Variants in MMS22L observed in about 807,000 individuals in gnomAD.
MMS22L encodes MMS22 like, DNA repair protein.
Under a neutral mutation model 159.1 loss-of-function variants are expected in MMS22L, and 74 were observed. The observed-to-expected ratio is 0.47, with a 90% confidence interval of 0.39 to 0.56. MMS22L has a LOEUF of 0.56. MMS22L is among the 20% of genes least tolerant of loss of function. The pLI, the probability that MMS22L is intolerant of heterozygous loss-of-function variation, is 0.00. For missense variants in MMS22L, 1,351 were observed against 1,422.1 expected, an observed-to-expected ratio of 0.95 and a Z score of 0.80; for synonymous variants, 517 against 506.9, an observed-to-expected ratio of 1.02 and a Z score of -0.27.
intron 14 of MMS22L, among the ~76,000 whole-genome samples, chr6:97,202,051 T>C (rs1307681680): frequency 2.6e-5 from 4 of 152,172 alleles, no homozygotes; most frequent in Non-Finnish European, 2.9e-5. Context: ...TAGGAGAAAG[T>C]AAACCAAGAG....
At chr6:97,206,589 A>G (rs959889770) in intron 14 of MMS22L, among the ~76,000 whole-genome samples, 4 of 152,192 alleles carry the variant, frequency 2.6e-5, no homozygotes, top group Non-Finnish European at 4.4e-5. Context: ...TGTATCTATC[A>G]TAATTCTTGT....
intron 22 of MMS22L, among the ~76,000 whole-genome samples, chr6:97,160,742 A>G (rs1802357886): frequency 6.6e-6 from 1 of 151,868 alleles, no homozygotes; most frequent in South Asian, 2.1e-4. Flanking sequence ...TATATGGTGC[A>G]CTTAATGGTG....
chr6:97,270,791 T>C (rs1345354480), intron 6 of MMS22L: 2 of 152,166 alleles, frequency 1.3e-5, no homozygotes, highest in South Asian at 2.1e-4. Context: ...CTGAAATCGA[T>C]GGGAAAAGTA....
At chr6:97,225,606 T>C (rs1810152672) in intron 14 of MMS22L, among the ~76,000 whole-genome samples, 1 of 151,248 alleles carries the variant, frequency 6.6e-6, no homozygotes, top group South Asian at 2.1e-4. Context: ...CCAGTCTCGC[T>C]CTGTCACACA....
intron 22 of MMS22L, among the ~76,000 whole-genome samples, chr6:97,159,004 A>G (rs1254864659): frequency 6.6e-6 from 1 of 152,122 alleles, no homozygotes; most frequent in Non-Finnish European, 1.5e-5. Context: ...TATTGGGTGC[A>G]TATACATTTA....
At chr6:97,245,213 T>C (rs1410761169) in intron 11 of MMS22L, among the ~76,000 whole-genome samples, 1 of 152,116 alleles carries the variant, frequency 6.6e-6, no homozygotes, top group Non-Finnish European at 1.5e-5. Flanking sequence ...CATAAATTCA[T>C]ACACTGTTAG....
Position 97,281,248 on chromosome 6 carries a change from A to G in MMS22L, c.279T>C (p.Phe93=). 6.2e-7 allele frequency: 1 copy of G among 1,605,584 alleles called. No individual in the cohort carries two copies. The highest frequency in any genetic ancestry group is 2.2e-5 in the East Asian group (1 of 44,658). ...TAACGAAGAAATACCTGAATAAATG[A>G]AAGAGTTCTCTAGATGAATTCACTA... is the stretch of plus-strand genomic sequence containing the variant. ...TALVNSSREL[F]HLFRQQLYNL... The change falls in exon 3 of 25, where the codon TTT becomes TTC. Residue 93 remains phenylalanine, a synonymous_variant. Coordinates refer to ENST00000683635, the MANE Select transcript of MMS22L (RefSeq NM_001350599.2).
chr6:97,235,271 G>A (rs1260149813), intron 11 of MMS22L, among the ~76,000 whole-genome samples: 1 of 152,138 alleles, frequency 6.6e-6, no homozygotes, highest in Non-Finnish European at 1.5e-5. Context: ...TAAGGAAATA[G>A]GTCAATGGTG....
At position 97,233,852 on chromosome 6, in the gene MMS22L, T is replaced by C; in HGVS notation, c.1302+9A>G. The C allele has an allele frequency of 6.3e-7, 1 of 1,591,628 alleles. No individual in the cohort carries two copies. The highest frequency in any genetic ancestry group is 8.5e-7 in the Non-Finnish European group (1 of 1,171,736). ...ATTCCTGGAGCAAATTCCTATTCTATTCACTCACCAGGTTCTTACTATAAT... is the reference window on the plus strand; with the variant it reads ...ATTCCTGGAGCAAATTCCTATTCTACTCACTCACCAGGTTCTTACTATAAT... On this transcript the variant is annotated intron_variant, in intron 12 of 24. Coordinates refer to ENST00000683635, the MANE Select transcript of MMS22L (RefSeq NM_001350599.2).
At chr6:97,184,897 C>A (rs180969140) in intron 15 of MMS22L, among the ~76,000 whole-genome samples, 13 of 152,266 alleles carry the variant, frequency 8.5e-5, no homozygotes, top group African/African-American at 2.6e-4. Context: ...GTCTTTATAA[C>A]CACTTACAAG....
At chr6:97,261,064 A>G (rs1468651684) in intron 9 of MMS22L, 1 of 152,180 alleles carries the variant, frequency 6.6e-6, no homozygotes, top group Non-Finnish European at 1.5e-5. Context: ...TCTCCGATCT[A>G]CAAGAAAACT....
intron 14 of MMS22L, among the ~76,000 whole-genome samples, chr6:97,228,192 A>AAG (rs1810455471): frequency 6.6e-6 from 1 of 152,212 alleles, no homozygotes; most frequent in Non-Finnish European, 1.5e-5. Context: ...TGCTCAGAAT[A>AAG]TCTGTAACGT....
chr6:97,239,478 A>G (rs1811820142), intron 11 of MMS22L, among the ~76,000 whole-genome samples: 1 of 152,186 alleles, frequency 6.6e-6, no homozygotes, highest in African/African-American at 2.4e-5. Context: ...ATTAAATAGG[A>G]TTACCTCTAA....
chr6:97,170,885 C>T (rs980247918), intron 19 of MMS22L, among the ~76,000 whole-genome samples: 25 of 152,038 alleles, frequency 1.6e-4, no homozygotes, highest in African/African-American at 5.1e-4. Flanking sequence ...TGCACATCTG[C>T]AGTCCCAGCT....
chr6:97,275,970 C>T (rs772939039), intron 4 of MMS22L, among the ~76,000 whole-genome samples: 3 of 152,142 alleles, frequency 2.0e-5, no homozygotes, highest in African/African-American at 7.2e-5. Context: ...CACCACTGCA[C>T]TCCAGCCTGG....
intron 14 of MMS22L, among the ~76,000 whole-genome samples, chr6:97,217,871 T>G (rs1337709606): frequency 6.6e-6 from 1 of 152,184 alleles, no homozygotes; most frequent in African/African-American, 2.4e-5. Context: ...TTAAATTGTT[T>G]TATTGATTAT....
At position 97,142,205 on chromosome 6, in the gene MMS22L, T is replaced by C. The variant is rs550022378; in HGVS notation, c.*4601A>G. On this transcript the variant is annotated 3_prime_UTR_variant, in exon 25 of 25. Coordinates refer to ENST00000683635, the MANE Select transcript of MMS22L (RefSeq NM_001350599.2). ...TATTATTATATATAATTTTATCATA[T>C]GCACAAATAACTCATAAATATGTAT... 9 of 151,806 alleles carry C rather than the reference T, an allele frequency of 5.9e-5. No homozygotes were observed. Among genetic ancestry groups the C allele is most frequent in the Non-Finnish European group, 1.3e-4 (9 of 67,808 alleles). The allele number at this position is 151,806 out of a possible 1,614,324, so 9.4% of individuals were successfully genotyped here. A position where few individuals can be genotyped will look rare whatever the true frequency, so the allele number is the denominator to read the frequency against.
At chr6:97,268,636 C>G (rs972176563) in intron 7 of MMS22L, among the ~76,000 whole-genome samples, 1 of 151,836 alleles carries the variant, frequency 6.6e-6, no homozygotes. Context: ...CCAACAAAGC[C>G]TTTAAAACAT....
intron 14 of MMS22L, among the ~76,000 whole-genome samples, chr6:97,215,111 T>C (rs1306805081): frequency 4.0e-5 from 4 of 100,972 alleles, no homozygotes; most frequent in African/African-American, 1.4e-4. Flanking sequence ...TATATATATA[T>C]ATATTTTTTT....
Sources: allele counts gnomAD v4.1 joint callset (sites outside exome capture counted in the v4.1 genomes callset), GRCh38; gene constraint gnomAD v4.1.1; transcripts MANE v1.5; gene names NCBI Gene and HGNC (gene_info 2026-07-23, HGNC 2026-07-21).